The following NEK5 variants were observed in gnomAD, a reference collection of about 807,000 sequenced individuals.
The protein encoded by NEK5 is serine/threonine-protein kinase Nek5.
NEK5 carries 88 observed loss-of-function variants against 109.2 expected under a neutral mutation model. That is an observed-to-expected ratio of 0.81 (90% CI 0.68 to 0.96). NEK5 has a LOEUF of 0.96. Among genes scored for constraint, NEK5 ranks in the 40% least tolerant of loss-of-function variants. The pLI, the probability that NEK5 is intolerant of heterozygous loss-of-function variation, is 0.00. For synonymous variants in NEK5, 283 were observed against 299.9 expected, an observed-to-expected ratio of 0.94 and a Z score of 0.58; for missense variants, 834 against 920.7, an observed-to-expected ratio of 0.91 and a Z score of 1.22.
chr13:52,119,619 T>A (rs1309324203), intron 3 of NEK5, among the ~76,000 whole-genome samples: 1 of 152,170 alleles, frequency 6.6e-6, no homozygotes, highest in Non-Finnish European at 1.5e-5. Flanking sequence ...ACAACCATCA[T>A]CAAGAAAATA....
intron 21 of NEK5, among the ~76,000 whole-genome samples, chr13:52,062,962 C>T (rs1480901654): frequency 6.6e-6 from 1 of 152,092 alleles, no homozygotes; most frequent in Non-Finnish European, 1.5e-5. Flanking sequence ...ACAGCAGCAG[C>T]TACCACTACT....
At position 52,102,178 on chromosome 13, in the gene NEK5, C is replaced by T; in HGVS notation, c.724G>A (p.Val242Ile). The T allele has an allele frequency of 1.9e-6, 3 of 1,613,782 alleles. No individual in the cohort carries two copies. Among genetic ancestry groups the T allele is most frequent in the Non-Finnish European group, 2.5e-6 (3 of 1,179,720 alleles). The change falls in exon 10 of 24, where the codon GTA (valine) becomes ATA (isoleucine). Residue 242 changes from valine (V) to isoleucine (I), a missense_variant. By Grantham distance (29) the Val-to-Ile change is conservative. Around this residue, in one of 2 missense-constraint regions of NEK5, gnomAD observed 777 missense variants for 824.7 expected, o/e 0.94. Coordinates refer to ENST00000684899, the MANE Select transcript of NEK5 (RefSeq NM_001365552.1). ...LHSLISQLFQVSPRDRPSINS... is the reference protein window; with the variant it reads ...LHSLISQLFQISPRDRPSINS... ...ATGGATGGTCGGTCTCGAGGAGATA[C>T]TTGAAAGAGCTGAGATATCAAGGAA... is the stretch of plus-strand genomic sequence containing the variant.
intron 4 of NEK5, among the ~76,000 whole-genome samples, chr13:52,117,860 T>C (rs1486791070): frequency 6.6e-6 from 1 of 152,202 alleles, no homozygotes; most frequent in Non-Finnish European, 1.5e-5. Context: ...AAGTAGGAGT[T>C]AGCCAGAGAG....
intron 1 of NEK5, among the ~76,000 whole-genome samples, chr13:52,128,101 A>T (rs915604758): frequency 5.9e-5 from 9 of 152,148 alleles, no homozygotes; most frequent in Non-Finnish European, 1.2e-4. Context: ...GTCTTCCTAT[A>T]CATTCCTGTG....
At chr13:52,105,910 AG>A (rs1227716567) in intron 8 of NEK5, among the ~76,000 whole-genome samples, 1 of 151,880 alleles carries the variant, frequency 6.6e-6, no homozygotes, top group Admixed American at 6.6e-5. Flanking sequence ...AATGTTGTCC[AG>A]GTTGGTCTTG....
chr13:52,122,718 G>A (rs1955993634), intron 3 of NEK5, among the ~76,000 whole-genome samples: 1 of 151,732 alleles, frequency 6.6e-6, no homozygotes. Context: ...AGTGAGCAGA[G>A]ATCACGCCAC....
Position 52,034,889 on chromosome 13 carries a change from T to C in NEK5, c.*2059A>G, listed in dbSNP as rs972668063. 1 of 148,232 alleles carries C rather than the reference T, an allele frequency of 6.7e-6. No homozygotes were observed. The allele number at this position is 148,232 out of a possible 1,614,324, so 9.2% of individuals were successfully genotyped here. A position where few individuals can be genotyped will look rare whatever the true frequency, so the allele number is the denominator to read the frequency against. On this transcript the variant is annotated 3_prime_UTR_variant, in exon 24 of 24. Coordinates refer to ENST00000684899, the MANE Select transcript of NEK5 (RefSeq NM_001365552.1). ...TAAACATTCTTTTTTTTCTTTTTTT[T>C]TTTTTTTTTTGCCCTTAATTGACTT... is the stretch of plus-strand genomic sequence containing the variant.
rs148904641 is a variant in NEK5, at chr13:52,065,494, C to A, written c.1965G>T (p.Thr655=). 1.2e-6 allele frequency: 2 copies of A among 1,614,112 alleles called. No homozygotes were observed. Among genetic ancestry groups the A allele is most frequent in the Non-Finnish European group, 1.7e-6 (2 of 1,179,926 alleles). ...TAAGCACAGACTCACTGTCAGGCCC[C>A]GTGGGGCAGGTGGAGGTGATGTCGG... The part of the protein sequence containing the change: ...AVADITSTCP[T]GPDNGQVIVI... Residue 655 remains threonine, a synonymous_variant, in exon 21 of 24, where the codon ACG becomes ACT. Transcript: ENST00000684899.
intron 8 of NEK5, among the ~76,000 whole-genome samples, chr13:52,105,691 C>G (rs542096609): frequency 6.6e-6 from 1 of 152,142 alleles, no homozygotes; most frequent in Non-Finnish European, 1.5e-5. Flanking sequence ...TCAGGCAGTA[C>G]TGCAGCCACC....
rs1270882392 is a variant in NEK5 at position 52,072,043 on chromosome 13, T to C, written c.1750A>G (p.Thr584Ala). 4 of 1,611,050 alleles carry C rather than the reference T, an allele frequency of 2.5e-6. No homozygotes were observed. In the South Asian group the frequency reaches 4.4e-5, roughly 18 times the overall value. Residue 584 changes from threonine (T) to alanine (A), a missense_variant, in exon 20 of 24, where the codon ACC becomes GCC. By Grantham distance (58) the Thr-to-Ala change is moderately conservative (BLOSUM62 0). This residue lies in a region of NEK5 where 777 missense variants were observed against 824.7 expected (regional missense o/e 0.94). Transcript: ENST00000684899. The stretch of plus-strand genomic sequence containing the variant: ...TTAAACTTCATGCCATCCTCAAAGG[T>C]CAAAGTTTCATTTGGTATATCCATT... Reference protein sequence around the residue: ...EAMDIPNETLTFEDGMKFKEY... With the variant: ...EAMDIPNETLAFEDGMKFKEY...
At chr13:52,046,690 C>T (rs1270439212) in intron 23 of NEK5, among the ~76,000 whole-genome samples, 5 of 151,354 alleles carry the variant, frequency 3.3e-5, no homozygotes, top group South Asian at 2.1e-4. Flanking sequence ...GCGATCATGC[C>T]GCTGCACTCC....
At chr13:52,092,577 G>A (rs866731976) in intron 13 of NEK5, among the ~76,000 whole-genome samples, 3 of 152,072 alleles carry the variant, frequency 2.0e-5, no homozygotes, top group Non-Finnish European at 4.4e-5. Context: ...CAGGTATAGG[G>A]CTGACATAGA....
At chr13:52,095,497 T>C (rs1471002818) in intron 12 of NEK5, among the ~76,000 whole-genome samples, 1 of 152,374 alleles carries the variant, frequency 6.6e-6, no homozygotes, top group African/African-American at 2.4e-5. Flanking sequence ...GTTCGTAATT[T>C]AATTCATCCT....
At chr13:52,053,599 G>C (rs992676532) in intron 22 of NEK5, among the ~76,000 whole-genome samples, 1 of 152,112 alleles carries the variant, frequency 6.6e-6, no homozygotes, top group African/African-American at 2.4e-5. Flanking sequence ...CAATCCAGAT[G>C]CATATGAAAT....
chr13:52,084,860 T>C (rs1955107167), intron 16 of NEK5, among the ~76,000 whole-genome samples: 1 of 148,856 alleles, frequency 6.7e-6, no homozygotes, highest in African/African-American at 2.5e-5. Context: ...GGTCTCAAAC[T>C]CCTAGGCTCA....
chr13:52,089,454 T>C, intron 13 of NEK5, 141 bp from the exon 14 acceptor site: 1 of 591,434 alleles, frequency 1.7e-6, no homozygotes, highest in Non-Finnish European at 3.0e-6. Context: ...TAGTTCACAG[T>C]TACAGAATCT....
At chr13:52,098,530 C>T (rs1381089085) in intron 12 of NEK5, among the ~76,000 whole-genome samples, 1 of 151,920 alleles carries the variant, frequency 6.6e-6, no homozygotes, top group Non-Finnish European at 1.5e-5. Flanking sequence ...ACTAGTATGA[C>T]CTAAAAGATT....
intron 22 of NEK5, among the ~76,000 whole-genome samples, chr13:52,053,963 C>A (rs1954530426): frequency 6.6e-6 from 1 of 152,086 alleles, no homozygotes; most frequent in Admixed American, 6.5e-5. Flanking sequence ...ATTTCACTAC[C>A]AAAATATATG....
chr13:52,042,890 T>C (rs1181999517), intron 23 of NEK5, among the ~76,000 whole-genome samples: 1 of 151,946 alleles, frequency 6.6e-6, no homozygotes, highest in South Asian at 2.1e-4. Flanking sequence ...TAAGAAAAGA[T>C]AATAAATAGA....
Sources: allele counts gnomAD v4.1 joint callset (sites outside exome capture counted in the v4.1 genomes callset), GRCh38; gene constraint gnomAD v4.1.1; regional missense constraint gnomAD v4.1.1; transcripts MANE v1.5; gene names NCBI Gene and HGNC (gene_info 2026-07-23, HGNC 2026-07-21).